Variants in TRANK1 observed in about 807,000 individuals in gnomAD.
TRANK1 encodes tetratricopeptide repeat and ankyrin repeat containing 1, also known as TPR and ankyrin repeat-containing protein 1.
A neutral mutation model predicts 266.0 loss-of-function variants in TRANK1; 198 were observed. That is an observed-to-expected ratio of 0.74 (90% CI 0.66 to 0.84). The LOEUF is 0.84. TRANK1 is among the 40% of genes least tolerant of loss of function. The pLI, the probability that TRANK1 is intolerant of heterozygous loss-of-function variation, is 0.00. For synonymous variants in TRANK1, 1,396 were observed against 1,384.1 expected (o/e 1.01, Z -0.19); for missense variants, 3,326 against 3,634.6 (o/e 0.92, Z 2.18).
At chr3:36,862,123 A>AGT (rs1315235488) in intron 10 of TRANK1, among the ~76,000 whole-genome samples, 2 of 152,228 alleles carry the variant, frequency 1.3e-5, no homozygotes, top group African/African-American at 4.8e-5. Context: ...TTTTTGTATA[A>AGT]GTATATATAT....
chr3:36,857,808 G>A lies in TRANK1; in HGVS notation c.1914C>T (p.Asn638=), dbSNP rs951330163. The change falls in exon 13 of 24, where the codon AAC becomes AAT. Residue 638 remains asparagine, a synonymous_variant. Coordinates refer to ENST00000645898, the MANE Select transcript of TRANK1 (RefSeq NM_001329998.2). This position sits in a 1 kb window ranked among gnomAD's most constrained non-coding sequence, Gnocchi z 4.3. ...TGTTCCAGGCCAAGAGCAGAGAGTCGTTCTTCTTAATCCGGTGCCGTGCAT... is the reference window on the plus strand; with the variant it reads ...TGTTCCAGGCCAAGAGCAGAGAGTCATTCTTCTTAATCCGGTGCCGTGCAT... ...GKDARHRIKK[N]DSLLLAWNKA... is the part of the protein sequence containing the mutation. The A allele has an allele frequency of 9.9e-6, 16 of 1,613,840 alleles. No individual in the cohort carries two copies. The highest frequency in any genetic ancestry group is 5.0e-5 in the Admixed American group (3 of 60,012).
At chr3:36,872,854 G>A (rs901238870) in intron 9 of TRANK1, among the ~76,000 whole-genome samples, 1 of 151,234 alleles carries the variant, frequency 6.6e-6, no homozygotes, top group African/African-American at 2.5e-5. Context: ...TGCCAAGCCA[G>A]AAGAATGAGG....
Position 36,864,410 on chromosome 3 carries a change from C to T in TRANK1, c.1149G>A (p.Lys383=). ...ATAACCGGTTTCCTGAGTTCATATACTTCACCAGCTGCTCCAAGACCTTCC... is the reference window on the plus strand; with the variant it reads ...ATAACCGGTTTCCTGAGTTCATATATTTCACCAGCTGCTCCAAGACCTTCC... ...IFRKVLEQLV[K]YMNSGNRLLH... is the part of the protein sequence containing the mutation. Residue 383 remains lysine, a synonymous_variant, in exon 10 of 24, where the codon AAG becomes AAA. Transcript: ENST00000645898. The T allele has an allele frequency of 6.5e-7, 1 of 1,537,050 alleles. No individual in the cohort carries two copies. Among genetic ancestry groups the T allele is most frequent in the Non-Finnish European group, 8.7e-7 (1 of 1,146,794 alleles).
At chr3:36,939,979 C>T (rs2080474076) in intron 1 of TRANK1, among the ~76,000 whole-genome samples, 1 of 151,906 alleles carries the variant, frequency 6.6e-6, no homozygotes, top group Admixed American at 6.6e-5. Context: ...CAACCTCCAC[C>T]TCCCGGGTTC....
chr3:36,847,131 T>A, intron 16 of TRANK1, 69 bp downstream of exon 16: 1 of 1,509,334 alleles, frequency 6.6e-7, no homozygotes, highest in East Asian at 2.3e-5. Flanking sequence ...TTTCCTCTCA[T>A]CTTCTCTTCC....
At chr3:36,877,093 T>C (rs2079401131) in intron 8 of TRANK1, among the ~76,000 whole-genome samples, 1 of 152,192 alleles carries the variant, frequency 6.6e-6, no homozygotes, top group Non-Finnish European at 1.5e-5. Context: ...TTAAATAATC[T>C]GGAAAGTTCT....
intron 8 of TRANK1, among the ~76,000 whole-genome samples, chr3:36,879,892 G>GTAAACATA (rs1559449240): frequency 4.7e-4 from 16 of 34,038 alleles, no homozygotes; most frequent in East Asian, 1.6e-3. Context: ...ATGTAAACAT[G>GTAAACATA]CAAATATATG....
rs879446689 is a variant in TRANK1 at position 36,942,827 on chromosome 3, G to GTGAAGTTAACAATTTATGAAC, written c.23+1959_23+1960insGTTCATAAATTGTTAACTTCA. 8.4e-3 allele frequency among the ~76,000 whole-genome samples: 1,277 copies of GTGAAGTTAACAATTTATGAAC among 151,198 alleles called. 7 individuals are homozygous for GTGAAGTTAACAATTTATGAAC. The highest frequency in any genetic ancestry group is 0.013 in the Non-Finnish European group (911 of 67,900). ...ACAGAACCTGCAGTTGCCCCATAAAGCTGGTCAGTCGGTCATAAAGTGAAG... is the reference window on the plus strand; with the variant it reads ...ACAGAACCTGCAGTTGCCCCATAAAGTGAAGTTAACAATTTATGAACCTGGTCAGTCGGTCATAAAGTGAAG... On this transcript the variant is annotated intron_variant, in intron 1 of 23. Transcript: ENST00000645898.
At chr3:36,879,740 AC>A (rs2079461884) in intron 8 of TRANK1, among the ~76,000 whole-genome samples, 4 of 105,062 alleles carry the variant, frequency 3.8e-5, no homozygotes, top group Non-Finnish European at 5.3e-5. Context: ...ATATAAATAT[AC>A]AAATATATAA....
intron 1 of TRANK1, among the ~76,000 whole-genome samples, chr3:36,942,601 G>T (rs769484843): frequency 4.0e-5 from 6 of 151,436 alleles, no homozygotes; most frequent in Non-Finnish European, 7.4e-5. Flanking sequence ...CACATAGCCA[G>T]AACCAAAGTA....
Position 36,895,737 on chromosome 3 carries a change from C to T in TRANK1, c.455G>A (p.Ser152Asn). Residue 152 changes from serine to asparagine, a missense_variant, in exon 5 of 24, where the codon AGT becomes AAT. Coordinates refer to ENST00000645898, the MANE Select transcript of TRANK1 (RefSeq NM_001329998.2). ...TMSSDSIVLQ[S>N]FLPCFDHIFT... ...AATATGATCAAAGCAAGGCAAGAAACTTTGCAAAACAATGGAGTCACCTAA... is the reference window on the plus strand; with the variant it reads ...AATATGATCAAAGCAAGGCAAGAAATTTTGCAAAACAATGGAGTCACCTAA... 1.3e-6 allele frequency: 2 copies of T among 1,534,412 alleles called. No homozygotes were observed. The highest frequency in any genetic ancestry group is 1.4e-5 in the African/African-American group (1 of 73,004).
intron 12 of TRANK1, 136 bp downstream of exon 12, chr3:36,858,582 T>C (rs113115457): frequency 0.035 from 35,273 of 999,174 alleles, 699 homozygotes; most frequent in Non-Finnish European, 0.04. Flanking sequence ...CCAGGTGACA[T>C]GGGCAGGCCT....
At position 36,855,787 on chromosome 3, in the gene TRANK1, G is replaced by A. The variant is rs145261825; in HGVS notation, c.3935C>T (p.Thr1312Met). Reference sequence around the variant, plus strand: ...GTACACCCGGGGGTCACTGTCACCCGTACGCATTTCTACAGCTTTATCCTC... The same window carrying A: ...GTACACCCGGGGGTCACTGTCACCCATACGCATTTCTACAGCTTTATCCTC... ...SEEDKAVEMR[T>M]GDSDPRVYVT... The change falls in exon 13 of 24, where the codon ACG becomes ATG. Residue 1312 changes from threonine to methionine, a missense_variant. Thr to Met is a moderately conservative substitution (Grantham distance 81). Coordinates refer to ENST00000645898, the MANE Select transcript of TRANK1 (RefSeq NM_001329998.2). 3.7e-5 allele frequency: 59 copies of A among 1,613,522 alleles called. No homozygotes were observed. Among genetic ancestry groups the A allele is most frequent in the Middle Eastern group, 1.6e-4 (1 of 6,062 alleles).
rs771712073 is a variant in TRANK1 at position 36,943,273 on chromosome 3, T to C, written c.23+1514A>G. Among the ~76,000 whole-genome samples the C allele has an allele frequency of 5.9e-5, 9 of 152,268 alleles. No homozygotes were observed. The South Asian group carries it at 6.2e-4, about 11-fold the overall frequency. ...AAAGAATAACTATACCATGAAGCTC[T>C]TGCTGCAATTTTACATGTGTATGTG... On this transcript the variant is annotated intron_variant, in intron 1 of 23. Transcript: ENST00000645898.
intron 2 of TRANK1, among the ~76,000 whole-genome samples, chr3:36,907,302 C>T (rs1013185472): frequency 3.9e-5 from 6 of 152,104 alleles, no homozygotes; most frequent in African/African-American, 1.2e-4. Context: ...AGGCGTGCGC[C>T]ACTACGCCCA....
At chr3:36,830,635 G>A (rs778782604) in intron 22 of TRANK1, among the ~76,000 whole-genome samples, 1 of 152,202 alleles carries the variant, frequency 6.6e-6, no homozygotes, top group Admixed American at 6.5e-5. Flanking sequence ...AGTTTCTGGA[G>A]TACCTGGGGA....
chr3:36,891,191 T>C (rs1386769516), intron 7 of TRANK1, among the ~76,000 whole-genome samples: 1 of 151,846 alleles, frequency 6.6e-6, no homozygotes, highest in Non-Finnish European at 1.5e-5. Context: ...AACACAAAAA[T>C]TAGCCAGGCG....
rs373479495 is a variant in TRANK1 at position 36,918,639 on chromosome 3, G to GAAAGAAAGAAAGAA, written c.24-10186_24-10185insTTCTTTCTTTCTTT. Among the ~76,000 whole-genome samples the GAAAGAAAGAAAGAA allele has an allele frequency of 1.4e-4, 18 of 129,920 alleles. 1 individual carries two copies. The highest frequency in any genetic ancestry group is 7.5e-4 in the Admixed American group (10 of 13,342). The allele number at this position is 129,920 out of a possible 152,430, so 85.2% of individuals were successfully genotyped here. ...AGAAAGAAAGAAAGAAAGAAAGAAA[G>GAAAGAAAGAAAGAA]AGAAAGAAAGAGAGAGAGAGAAAGA... On this transcript the variant is annotated intron_variant, in intron 1 of 23. Coordinates refer to ENST00000645898, the MANE Select transcript of TRANK1 (RefSeq NM_001329998.2).
chr3:36,932,968 A>C (rs2080379459), intron 1 of TRANK1, among the ~76,000 whole-genome samples: 1 of 152,216 alleles, frequency 6.6e-6, no homozygotes, highest in South Asian at 2.1e-4. Flanking sequence ...TTTCTCTTCA[A>C]ATAGCTTGAT....
Sources: gnomAD v4.1 joint callset for allele counts (sites outside exome capture counted in the v4.1 genomes callset) on GRCh38, gnomAD v4.1.1 for gene constraint, Gnocchi (gnomAD v3.1) non-coding constraint, MANE v1.5 for transcripts, NCBI Gene and HGNC (gene_info 2026-07-23, HGNC 2026-07-21) for gene names.